ULK1: variants seen among roughly 807,000 people sequenced by gnomAD.
The protein encoded by ULK1 is unc-51 like autophagy activating kinase 1, also known as serine/threonine-protein kinase ULK1.
A neutral mutation model predicts 117.5 loss-of-function variants in ULK1; 48 were observed. The ratio of observed to expected loss-of-function variants is 0.41; its 90% CI spans 0.32 to 0.52. The LOEUF (loss-of-function observed/expected upper bound fraction) is 0.52. Among genes scored for constraint, ULK1 ranks in the 20% least tolerant of loss-of-function variants. ULK1 has a pLI of 0.29. For missense variants in ULK1, 1,387 were observed against 1,473.4 expected, an observed-to-expected ratio of 0.94 and a Z score of 0.96; for synonymous variants, 790 against 637.8, an observed-to-expected ratio of 1.24 and a Z score of -3.60.
intron 1 of ULK1, 26 bp downstream of exon 1, chr12:131,895,138 C>A (rs1219707924): frequency 3.4e-6 from 5 of 1,478,502 alleles, no homozygotes; most frequent in East Asian, 5.2e-5. Flanking sequence ...GGCCCGGGAT[C>A]CCCCGCCCAG....
At position 131,906,880 on chromosome 12, in the gene ULK1, T is replaced by C. The variant is rs1889298064; in HGVS notation, c.247-12T>C. On this transcript the variant is annotated splice_polypyrimidine_tract_variant and intron_variant, in intron 3 of 27. Transcript: ENST00000321867. ...CACTGGGACCTCTCACAGCCTCTTT[T>C]CTGTCTTGCAGGAAATGGCTAATTC... is the stretch of plus-strand genomic sequence containing the variant. The C allele has an allele frequency of 6.2e-7, 1 of 1,613,960 alleles. No individual in the cohort carries two copies. Among genetic ancestry groups the C allele is most frequent in the African/African-American group, 1.3e-5 (1 of 74,956 alleles).
intron 5 of ULK1, among the ~76,000 whole-genome samples, chr12:131,907,779 C>T (rs1198894217): frequency 6.6e-6 from 1 of 152,188 alleles, no homozygotes; most frequent in Non-Finnish European, 1.5e-5. Flanking sequence ...ACCAGAATAG[C>T]CCGAGGGGAG....
chr12:131,921,881 G>C lies in ULK1; in HGVS notation c.*520G>C, dbSNP rs991863603. 1.1e-5 allele frequency: 5 copies of C among 458,246 alleles called. No individual in the cohort carries two copies. Among genetic ancestry groups the C allele is most frequent in the Non-Finnish European group, 2.2e-5 (5 of 228,292 alleles). The allele number at this position is 458,246 out of a possible 1,614,324, so 28.4% of individuals were successfully genotyped here. On this transcript the variant is annotated 3_prime_UTR_variant, in exon 28 of 28. Transcript: ENST00000321867. ...CAGAACCTGGACCTCACCAGGGACTGCTGGGCAGCGATTCCTGGCAGTGGC... is the reference window on the plus strand; with the variant it reads ...CAGAACCTGGACCTCACCAGGGACTCCTGGGCAGCGATTCCTGGCAGTGGC...
chr12:131,898,981 C>G (rs1449957620), intron 3 of ULK1, among the ~76,000 whole-genome samples: 1 of 150,606 alleles, frequency 6.6e-6, no homozygotes, highest in African/African-American at 2.5e-5. Flanking sequence ...CTGGTTCAAG[C>G]GATTCTCCTG....
chr12:131,910,582 C>T (rs1014005562), intron 11 of ULK1, 130 bp from the exon 12 acceptor site: 25 of 1,586,326 alleles, frequency 1.6e-5, no homozygotes, highest in Middle Eastern at 1.7e-4. Flanking sequence ...GAGCCTCCCT[C>T]CTTCCTGCTG....
rs1414534233 is a variant in ULK1, at chr12:131,903,706, A to G, written c.247-3186A>G. Among the ~76,000 whole-genome samples the G allele has an allele frequency of 6.6e-6, 1 of 151,768 alleles. No individual in the cohort carries two copies. Among genetic ancestry groups the G allele is most frequent in the African/African-American group, 2.4e-5 (1 of 41,288 alleles). ...GGCCTTGAGTCACCTGCTGGAGAGGACCTTTTAGGAGAGAGGCTGAGCATG... is the reference window on the plus strand; with the variant it reads ...GGCCTTGAGTCACCTGCTGGAGAGGGCCTTTTAGGAGAGAGGCTGAGCATG... On this transcript the variant is annotated intron_variant, in intron 3 of 27. Coordinates refer to ENST00000321867, the MANE Select transcript of ULK1 (RefSeq NM_003565.4). This position sits in a 1 kb window ranked among gnomAD's most constrained non-coding sequence, Gnocchi z 6.0.
In ULK1 at chr12:131,920,140, C is replaced by CG. The variant is rs564313548; in HGVS notation, c.2961+7dup. 1,934 of 1,611,598 alleles carry CG rather than the reference C, an allele frequency of 1.2e-3. 5 individuals are homozygous for CG. The highest frequency in any genetic ancestry group is 1.4e-3 in the Non-Finnish European group (1,702 of 1,179,016). On this transcript the variant is annotated splice_donor_region_variant and intron_variant, in intron 26 of 27. Coordinates refer to ENST00000321867, the MANE Select transcript of ULK1 (RefSeq NM_003565.4). ...CTTCAGCCACGCTGTGCAGATGGTACGGGACAGACAGACACCAGTGGGGCA... is the reference window on the plus strand; with the variant it reads ...CTTCAGCCACGCTGTGCAGATGGTACGGGGACAGACAGACACCAGTGGGGCA...
rs749327954 is a variant in ULK1, at chr12:131,921,137, G to T, written c.2999G>T (p.Arg1000Leu). Residue 1000 changes from arginine to leucine, a missense_variant, in exon 27 of 28, where the codon CGT (arginine) becomes CTT (leucine). Coordinates refer to ENST00000321867, the MANE Select transcript of ULK1 (RefSeq NM_003565.4). ...GCCCTGGACGAGATGTTCCAGCACC[G>T]TGAGGGCTGCGTCCCACGCTACCAC... Reference protein sequence around the residue: ...SAALDEMFQHREGCVPRYHKA... With the variant: ...SAALDEMFQHLEGCVPRYHKA... 1.2e-6 allele frequency: 2 copies of T among 1,603,046 alleles called. No homozygotes were observed. Among genetic ancestry groups the T allele is most frequent in the Admixed American group, 3.3e-5 (2 of 60,006 alleles).
Position 131,919,813 on chromosome 12 carries a change from C to T in ULK1, c.2804-166C>T. ...ACAGAGGCCGTGGGGTCGGATGGCA[C>T]CCGGGACAAGGTGCGGAGCCTGGCC... On this transcript the variant is annotated intron_variant, in intron 25 of 27. Transcript: ENST00000321867. 5 of 1,156,114 alleles carry T rather than the reference C, an allele frequency of 4.3e-6. No homozygotes were observed. The South Asian group carries it at 4.7e-5, about 11-fold the overall frequency. The allele number at this position is 1,156,114 out of a possible 1,614,324, so 71.6% of individuals were successfully genotyped here. A position where few individuals can be genotyped will look rare whatever the true frequency, so the allele number is the denominator to read the frequency against.
intron 4 of ULK1, 85 bp from the exon 5 acceptor site, chr12:131,907,410 A>G (rs1333736177): frequency 1.3e-6 from 2 of 1,542,408 alleles, no homozygotes; most frequent in East Asian, 2.3e-5. Flanking sequence ...GTAGTGTCCA[A>G]GTGTGAGGGG....
At position 131,894,716 on chromosome 12, in the gene ULK1, G is replaced by C. The variant is rs1888785660; in HGVS notation, c.-286G>C. The C allele has an allele frequency of 6.6e-6, 1 of 151,484 alleles. No homozygotes were observed. The highest frequency in any genetic ancestry group is 6.6e-5 in the Admixed American group (1 of 15,188). The allele number at this position is 151,484 out of a possible 1,614,324, so 9.4% of individuals were successfully genotyped here. A position where few individuals can be genotyped will look rare whatever the true frequency, so the allele number is the denominator to read the frequency against. ...CCGAGCCCGGGCCCTAGTTGGAGCC[G>C]GAGTCGGAGTCGGAGTCGGATCCGG... On this transcript the variant is annotated 5_prime_UTR_variant, in exon 1 of 28. Transcript: ENST00000321867.
In ULK1 at chr12:131,921,517, G is replaced by A; in HGVS notation, c.*156G>A. On this transcript the variant is annotated 3_prime_UTR_variant, in exon 28 of 28. Coordinates refer to ENST00000321867, the MANE Select transcript of ULK1 (RefSeq NM_003565.4). Reference sequence around the variant, plus strand: ...CAGTCAGCCTGCCGGCCTCCCTGCAGCTCACGGGGCAGAACCAGCACATCT... The same window carrying A: ...CAGTCAGCCTGCCGGCCTCCCTGCAACTCACGGGGCAGAACCAGCACATCT... 9.1e-7 allele frequency: 1 copy of A among 1,102,542 alleles called. No individual in the cohort carries two copies. Among genetic ancestry groups the A allele is most frequent in the Non-Finnish European group, 1.3e-6 (1 of 751,316 alleles). The allele number at this position is 1,102,542 out of a possible 1,614,324, so 68.3% of individuals were successfully genotyped here.
intron 25 of ULK1, 104 bp from the exon 26 acceptor site, chr12:131,919,874 AG>A: frequency 6.8e-7 from 1 of 1,466,800 alleles, no homozygotes; most frequent in South Asian, 1.3e-5. Flanking sequence ...GGGCTGTGGC[AG>A]GGAGGGAGGG....
chr12:131,919,885 G>A (rs1890072315), intron 25 of ULK1, 94 bp from the exon 26 acceptor site: 2 of 1,500,286 alleles, frequency 1.3e-6, no homozygotes, highest in South Asian at 2.6e-5. Flanking sequence ...GGGAGGGAGG[G>A]ACGTGCTCGC....
Position 131,917,111 on chromosome 12 carries a change from T to C in ULK1, c.2182+49T>C, listed in dbSNP as rs1477581609. ...AGGCTGTGGGATGGGGGTCGGAGGC[T>C]GTGGGATGGGGGTCGGAGGCTGTGG... On this transcript the variant is annotated intron_variant, in intron 21 of 27. Transcript: ENST00000321867. 5.4e-6 allele frequency: 4 copies of C among 745,400 alleles called. 1 individual carries two copies. In the African/African-American group the frequency reaches 1.2e-4, roughly 22 times the overall value. 46.2% of individuals were successfully genotyped at this position (745,400 alleles called of 1,614,324 possible). A position where few individuals can be genotyped will look rare whatever the true frequency, so the allele number is the denominator to read the frequency against.
In ULK1 at chr12:131,916,429, C is replaced by G; in HGVS notation, c.1910C>G (p.Pro637Arg). ...AVPSFDFPKTPSSQNLLALLA... is the reference protein window; with the variant it reads ...AVPSFDFPKTRSSQNLLALLA... The stretch of plus-strand genomic sequence containing the variant: ...CCCTCCTTTGACTTCCCGAAGACCC[C>G]CAGCTCCCAGAACCTGCTGGCCCTC... Residue 637 changes from proline (P) to arginine (R), a missense_variant, in exon 20 of 28, where the codon CCC becomes CGC. Physicochemically the swap from Pro to Arg is moderately radical, Grantham distance 103. This residue lies in a region of ULK1 where 900 missense variants were observed against 858.9 expected (regional missense o/e 1.05). Coordinates refer to ENST00000321867, the MANE Select transcript of ULK1 (RefSeq NM_003565.4). The G allele has an allele frequency of 6.2e-7, 1 of 1,601,590 alleles. No homozygotes were observed. The highest frequency in any genetic ancestry group is 2.2e-5 in the East Asian group (1 of 44,668).
chr12:131,909,731 G>C (rs1223825412), intron 8 of ULK1, 44 bp from the exon 9 acceptor site: 3 of 1,537,484 alleles, frequency 2.0e-6, no homozygotes, highest in Non-Finnish European at 2.6e-6. Context: ...GGCTGGTCCC[G>C]CTCGGCCGCA....
intron 21 of ULK1, 67 bp from the exon 22 acceptor site, chr12:131,917,344 C>G (rs1304779440): frequency 1.1e-5 from 13 of 1,223,660 alleles, no homozygotes; most frequent in South Asian, 2.0e-5. Context: ...TCGGGTTCGG[C>G]TCGGAGGCTG....
In ULK1 at chr12:131,909,844, T is replaced by TC. The variant is rs1435512233; in HGVS notation, c.725+14dup. The stretch of plus-strand genomic sequence containing the variant: ...GACGTTGGTCCCCACGTAAGCACCC[T>TC]CCCGCCTTCCCTTCCCTTCCCCCGC... On this transcript the variant is annotated intron_variant, in intron 9 of 27. Coordinates refer to ENST00000321867, the MANE Select transcript of ULK1 (RefSeq NM_003565.4). 1 of 1,610,990 alleles carries TC rather than the reference T, an allele frequency of 6.2e-7. No individual in the cohort carries two copies. Among genetic ancestry groups the TC allele is most frequent in the Non-Finnish European group, 8.5e-7 (1 of 1,179,126 alleles).
Sources: gnomAD v4.1 joint callset for allele counts (sites outside exome capture counted in the v4.1 genomes callset) on GRCh38, gnomAD v4.1.1 for gene constraint, gnomAD v4.1.1 regional missense constraint, Gnocchi (gnomAD v3.1) non-coding constraint, MANE v1.5 for transcripts, NCBI Gene and HGNC (gene_info 2026-07-23, HGNC 2026-07-21) for gene names.